TBC1D13: variants seen among roughly 807,000 people sequenced by gnomAD.
TBC1D13 encodes epididymis secretory sperm binding protein.
Under a neutral mutation model 53.6 loss-of-function variants are expected in TBC1D13, and 40 were observed. That is an observed-to-expected ratio of 0.75 (90% CI 0.58 to 0.97). The LOEUF is 0.97. Among genes scored for constraint, TBC1D13 ranks in the 50% least tolerant of loss-of-function variants. The pLI is 0.00. For missense variants in TBC1D13, 377 were observed against 499.4 expected, an observed-to-expected ratio of 0.75 and a Z score of 2.34; for synonymous variants, 182 against 197.7, an observed-to-expected ratio of 0.92 and a Z score of 0.67.
Position 128,793,634 on chromosome 9 carries a change from A to T in TBC1D13, c.383+1060A>T, listed in dbSNP as rs545338930. On this transcript the variant is annotated intron_variant, in intron 6 of 11. Transcript: ENST00000372648. ...GGGTCTCCACAGATACGTGGGACTTAGCACTTACAGAGGCCCTTAGAATGA... is the reference window on the plus strand; with the variant it reads ...GGGTCTCCACAGATACGTGGGACTTTGCACTTACAGAGGCCCTTAGAATGA... Among the ~76,000 whole-genome samples the T allele has an allele frequency of 4.6e-5, 7 of 152,366 alleles. No homozygotes were observed. The East Asian group carries it at 1.2e-3, about 25-fold the overall frequency.
rs756838115 is a variant in TBC1D13, at chr9:128,805,988, TTCC to T, written c.1057_1059del (p.Leu353del). ...CTTCGCCGATGACAACCGCTTTGAC[TTCC>T]TCCTCCTCGTCTGCTGCGCCATGCT... On this transcript the variant is annotated inframe_deletion, in exon 10 of 12. Coordinates refer to ENST00000372648, the MANE Select transcript of TBC1D13 (RefSeq NM_018201.5). 3.1e-6 allele frequency: 5 copies of T among 1,614,214 alleles called. No individual in the cohort carries two copies. The highest frequency in any genetic ancestry group is 4.2e-6 in the Non-Finnish European group (5 of 1,180,040).
At chr9:128,796,925 G>A in intron 6 of TBC1D13, 130 bp from the exon 7 acceptor site, 3 of 996,926 alleles carry the variant, frequency 3.0e-6, no homozygotes, top group Admixed American at 2.1e-5. Flanking sequence ...GACAGTGCAA[G>A]ACTCCATCTC....
intron 5 of TBC1D13, 134 bp from the exon 6 acceptor site, chr9:128,792,358 C>A (rs1829548735): frequency 1.0e-5 from 7 of 688,110 alleles, no homozygotes; most frequent in Admixed American, 8.0e-5. Context: ...GAGTATCTTG[C>A]AGGTGGTGTC....
At chr9:128,805,821 CAGAG>C (rs778063815) in intron 9 of TBC1D13, 34 bp from the exon 10 acceptor site, 1 of 1,600,858 alleles carries the variant, frequency 6.2e-7, no homozygotes. Flanking sequence ...GCAGCCAACA[CAGAG>C]TCATGCCCCC....
At chr9:128,801,203 C>T (rs1253235103) in intron 7 of TBC1D13, among the ~76,000 whole-genome samples, 1 of 151,444 alleles carries the variant, frequency 6.6e-6, no homozygotes, top group African/African-American at 2.4e-5. Context: ...TCCTACTTAC[C>T]ATTAGCACAT....
rs771437971 is a variant in TBC1D13, at chr9:128,803,207, C to G, written c.544-43C>G. ...GGATTTCAGGCATGAGCCACTGACC[C>G]CAGCATTGTCTTTCTTGATGGGCTC... On this transcript the variant is annotated intron_variant, in intron 7 of 11. Coordinates refer to ENST00000372648, the MANE Select transcript of TBC1D13 (RefSeq NM_018201.5). 7.6e-6 allele frequency: 12 copies of G among 1,583,328 alleles called. No individual in the cohort carries two copies. In the African/African-American group the frequency reaches 1.6e-4, roughly 21 times the overall value.
rs1433481512 is a variant in TBC1D13 at position 128,808,006 on chromosome 9, C to T, written c.*127C>T. On this transcript the variant is annotated 3_prime_UTR_variant, in exon 12 of 12. Coordinates refer to ENST00000372648, the MANE Select transcript of TBC1D13 (RefSeq NM_018201.5). ...CCACAGGATCGGCCCGAGACCCAGG[C>T]CATGCCCACTGGGGACACACTGTGC... 3 of 845,538 alleles carry T rather than the reference C, an allele frequency of 3.5e-6. No individual in the cohort carries two copies. Among genetic ancestry groups the T allele is most frequent in the East Asian group, 2.7e-5 (1 of 37,536 alleles). The allele number at this position is 845,538 out of a possible 1,614,324, so 52.4% of individuals were successfully genotyped here.
At chr9:128,788,938 A>G (rs1829479042) in intron 2 of TBC1D13, among the ~76,000 whole-genome samples, 1 of 152,220 alleles carries the variant, frequency 6.6e-6, no homozygotes, top group Non-Finnish European at 1.5e-5. Context: ...CAATGAGCAC[A>G]AAGATAACTC....
chr9:128,796,195 C>T (rs2132539114), intron 6 of TBC1D13, among the ~76,000 whole-genome samples: 1 of 152,282 alleles, frequency 6.6e-6, no homozygotes, highest in African/African-American at 2.4e-5. Flanking sequence ...TCAAGCAATT[C>T]CTGTGTCAGC....
rs1035495293 is a variant in TBC1D13, at chr9:128,807,929, C to T, written c.*50C>T. ...CGGAGAGAAGCCTCCCGACCCTGTGCCCTGGCTCCCGGGACACATAGAAAC... is the reference window on the plus strand; with the variant it reads ...CGGAGAGAAGCCTCCCGACCCTGTGTCCTGGCTCCCGGGACACATAGAAAC... On this transcript the variant is annotated 3_prime_UTR_variant, in exon 12 of 12. Transcript: ENST00000372648. The T allele has an allele frequency of 1.3e-6, 2 of 1,568,534 alleles. No individual in the cohort carries two copies. Among genetic ancestry groups the T allele is most frequent in the Middle Eastern group, 1.7e-4 (1 of 5,926 alleles).
At chr9:128,801,033 C>T (rs1324966286) in intron 7 of TBC1D13, among the ~76,000 whole-genome samples, 3 of 152,042 alleles carry the variant, frequency 2.0e-5, no homozygotes, top group Admixed American at 6.6e-5. Flanking sequence ...AAATGCCAGG[C>T]GTGGTGGTGA....
chr9:128,790,754 A>G lies in TBC1D13; in HGVS notation c.117A>G (p.Gly39=), dbSNP rs1829518301. The G allele has an allele frequency of 1.3e-6, 2 of 1,552,588 alleles. No homozygotes were observed. The highest frequency in any genetic ancestry group is 2.9e-5 in the African/African-American group (2 of 70,026). ...LSFSGIPCEG[G]LRCLCWKILL... ...CCACAGGCATCCCCTGTGAGGGCGG[A>G]CTGCGGTGCCTCTGCTGGAAGGTGG... Residue 39 remains glycine, a synonymous_variant, in exon 3 of 12, where the codon GGA becomes GGG. Transcript: ENST00000372648.
chr9:128,807,091 GT>G (rs143057849), intron 11 of TBC1D13, among the ~76,000 whole-genome samples: 99 of 141,796 alleles, frequency 7.0e-4, no homozygotes, highest in East Asian at 8.3e-4. Context: ...CTTTGTTGTT[GT>G]TTTTTTTTTT....
chr9:128,787,633 C>G (rs1829448065), intron 1 of TBC1D13, among the ~76,000 whole-genome samples: 1 of 149,842 alleles, frequency 6.7e-6, no homozygotes, highest in Admixed American at 6.7e-5. Flanking sequence ...CTGAGTCTTC[C>G]TCATCCAGAC....
intron 4 of TBC1D13, 42 bp from the exon 5 acceptor site, chr9:128,791,552 G>T (rs775462694): frequency 3.3e-5 from 54 of 1,612,172 alleles, no homozygotes; most frequent in Non-Finnish European, 4.5e-5. Flanking sequence ...GGCTCCCTGG[G>T]CAGGACCGTT....
chr9:128,803,112 G>A (rs1447304147), intron 7 of TBC1D13, 138 bp from the exon 8 acceptor site: 2 of 712,736 alleles, frequency 2.8e-6, no homozygotes, highest in African/African-American at 1.8e-5. Context: ...GGAATGCAAT[G>A]GTGTAATCAC....
At chr9:128,800,245 G>A (rs899873982) in intron 7 of TBC1D13, among the ~76,000 whole-genome samples, 1 of 152,204 alleles carries the variant, frequency 6.6e-6, no homozygotes, top group African/African-American at 2.4e-5. Context: ...CAGGCCTAGG[G>A]CCGGGCCCAG....
chr9:128,810,173 G>A lies in TBC1D13; in HGVS notation c.*2294G>A, dbSNP rs1238222845. Reference sequence around the variant, plus strand: ...AGGACACCGCCTGCAGAAAGGACCTGCCCTGATAATGTCCCTTCCCCAGAT... The same window carrying A: ...AGGACACCGCCTGCAGAAAGGACCTACCCTGATAATGTCCCTTCCCCAGAT... On this transcript the variant is annotated 3_prime_UTR_variant, in exon 12 of 12. Transcript: ENST00000372648. The A allele has an allele frequency of 6.6e-6, 1 of 152,198 alleles. No individual in the cohort carries two copies. The highest frequency in any genetic ancestry group is 1.5e-5 in the Non-Finnish European group (1 of 68,072). The allele number at this position is 152,198 out of a possible 1,614,324, so 9.4% of individuals were successfully genotyped here. A position where few individuals can be genotyped will look rare whatever the true frequency, so the allele number is the denominator to read the frequency against.
chr9:128,798,737 A>G lies in TBC1D13; in HGVS notation c.543+1523A>G, dbSNP rs557860735. ...TACACCCCCTACTTTGGTCTCTGGA[A>G]TAGTGGCTTGTTCCCCTAAACTTTT... On this transcript the variant is annotated intron_variant, in intron 7 of 11. Coordinates refer to ENST00000372648, the MANE Select transcript of TBC1D13 (RefSeq NM_018201.5). Among the ~76,000 whole-genome samples, 3 of 152,324 alleles carry G rather than the reference A, an allele frequency of 2.0e-5. No individual in the cohort carries two copies. The South Asian group carries it at 6.2e-4, about 32-fold the overall frequency.
Sources: gnomAD v4.1 joint callset for allele counts (sites outside exome capture counted in the v4.1 genomes callset) on GRCh38, gnomAD v4.1.1 for gene constraint, MANE v1.5 for transcripts, NCBI Gene and HGNC (gene_info 2026-07-23, HGNC 2026-07-21) for gene names.